TAF5L: variants seen among roughly 807,000 people sequenced by gnomAD.
The protein encoded by TAF5L is TATA-box binding protein associated factor 5 like.
Under a neutral mutation model 51.3 loss-of-function variants are expected in TAF5L, and 7 were observed. The ratio of observed to expected loss-of-function variants is 0.14; its 90% CI spans 0.08 to 0.26. The LOEUF is 0.26. Ranked by LOEUF, TAF5L falls within the 10% of genes least tolerant of loss-of-function variation. The pLI, the probability that TAF5L is intolerant of heterozygous loss-of-function variation, is 1.00. For missense variants in TAF5L, 575 were observed against 758.9 expected, an observed-to-expected ratio of 0.76 and a Z score of 2.85; for synonymous variants, 291 against 308.1, an observed-to-expected ratio of 0.94 and a Z score of 0.58.
In TAF5L at chr1:229,602,545, G is replaced by C. The variant is rs757425101; in HGVS notation, c.622C>G (p.Gln208Glu). 3.7e-6 allele frequency: 6 copies of C among 1,614,212 alleles called. No homozygotes were observed. The East Asian group carries it at 1.1e-4, about 30-fold the overall frequency. Reference sequence around the variant, plus strand: ...GAGGAGCTGCCACTGGCATACAGCTGATAGTCTGTTCTCTTGGCAGGCTGC... The same window carrying C: ...GAGGAGCTGCCACTGGCATACAGCTCATAGTCTGTTCTCTTGGCAGGCTGC... Residue 208 changes from glutamine to glutamate, a missense_variant, in exon 4 of 5, where the codon CAG becomes GAG. Transcript: ENST00000258281. This position sits in a 1 kb window ranked among gnomAD's most constrained non-coding sequence, Gnocchi z 4.6.
rs1391324202 is a variant in TAF5L at position 229,600,572 on chromosome 1, C to T, written c.972+1623G>A. 4.1e-6 allele frequency: 4 copies of T among 985,390 alleles called. No homozygotes were observed. In the Admixed American group the frequency reaches 1.8e-4, roughly 45 times the overall value. 61.0% of individuals were successfully genotyped at this position (985,390 alleles called of 1,614,324 possible). A position where few individuals can be genotyped will look rare whatever the true frequency, so the allele number is the denominator to read the frequency against. On this transcript the variant is annotated intron_variant, in intron 4 of 4. Coordinates refer to ENST00000258281, the Ensembl canonical transcript of TAF5L. ...CCATCCATGTCTCCTTTGCCACTGC[C>T]ACTACCCTAGTTTGGCCGCCATAAT...
At chr1:229,607,760 T>C (rs1664647748) in intron 3 of TAF5L, 1 of 152,284 alleles carries the variant, frequency 6.6e-6, no homozygotes, top group African/African-American at 2.4e-5. Flanking sequence ...AATAGATTAA[T>C]GAGTATATCT....
chr1:229,614,557 C>T (rs201055963), intron 1 of TAF5L, 72 bp from the exon 2 acceptor site: 58 of 1,575,962 alleles, frequency 3.7e-5, no homozygotes, highest in African/African-American at 3.2e-4. Flanking sequence ...ACTGCACCAT[C>T]GCAGATGGGT....
At chr1:229,606,728 T>A (rs1450088849) in intron 3 of TAF5L, 124 of 985,304 alleles carry the variant, frequency 1.3e-4, no homozygotes, top group Non-Finnish European at 1.5e-4. Flanking sequence ...GTACTTTGCA[T>A]CCATGATCAT....
In TAF5L at chr1:229,594,260, C is replaced by A; in HGVS notation, c.*37G>T. ...TGAAGGATTGCAACTGGAGGCTTTC[C>A]ACTGTTACCCCAGTCCGTTCCAACA... On this transcript the variant is annotated 3_prime_UTR_variant, in exon 5 of 5. Transcript: ENST00000258281. This position sits in a 1 kb window ranked among gnomAD's most constrained non-coding sequence, Gnocchi z 7.9. The A allele has an allele frequency of 6.4e-7, 1 of 1,564,426 alleles. No individual in the cohort carries two copies. The highest frequency in any genetic ancestry group is 8.7e-7 in the Non-Finnish European group (1 of 1,152,422).
chr1:229,623,004 C>T (rs942529237), intron 1 of TAF5L, among the ~76,000 whole-genome samples: 1 of 152,168 alleles, frequency 6.6e-6, no homozygotes, highest in Non-Finnish European at 1.5e-5. Context: ...CCGCCGGGCA[C>T]GGTGGCTCGG....
At chr1:229,600,119 AG>A (rs1664316382) in intron 4 of TAF5L, 1 of 984,628 alleles carries the variant, frequency 1.0e-6, no homozygotes, top group Non-Finnish European at 1.2e-6. Flanking sequence ...TAAGGGAAAA[AG>A]AAAAGTCCAA....
rs1665426886 is a variant in TAF5L, at chr1:229,625,692, G to A, written c.-4+193C>T. 2.0e-5 allele frequency among the ~76,000 whole-genome samples: 3 copies of A among 148,062 alleles called. No homozygotes were observed. Among genetic ancestry groups the A allele is most frequent in the Admixed American group, 2.0e-4 (3 of 14,932 alleles). ...CGGGACTCGGGAGGCCGAGGGCGGA[G>A]GCGCGGCCGTCGCGCCCGCGCAGAG... On this transcript the variant is annotated intron_variant, in intron 1 of 4. Transcript: ENST00000258281. The surrounding 1 kb of genome is among the most constrained non-coding windows in gnomAD (Gnocchi z 4.0).
chr1:229,606,170 CTCTT>C, intron 3 of TAF5L: 5 of 985,400 alleles, frequency 5.1e-6, no homozygotes, highest in Non-Finnish European at 6.0e-6. Flanking sequence ...TAATTGCTCT[CTCTT>C]GTCTGAAGAG....
rs1425255337 is a variant in TAF5L at position 229,602,023 on chromosome 1, A to C, written c.972+172T>G. 6.9e-7 allele frequency: 1 copy of C among 1,444,376 alleles called. No homozygotes were observed. The highest frequency in any genetic ancestry group is 1.4e-5 in the African/African-American group (1 of 70,036). The allele number at this position is 1,444,376 out of a possible 1,614,324, so 89.5% of individuals were successfully genotyped here. On this transcript the variant is annotated intron_variant, in intron 4 of 4. Coordinates refer to ENST00000258281, the Ensembl canonical transcript of TAF5L. This position sits in a 1 kb window ranked among gnomAD's most constrained non-coding sequence, Gnocchi z 4.6. ...CTGCTAAAAATTGTTTTTGCATCTTAGGTTAGGCATGTGCAGGAATTCAAT... is the reference window on the plus strand; with the variant it reads ...CTGCTAAAAATTGTTTTTGCATCTTCGGTTAGGCATGTGCAGGAATTCAAT...
In TAF5L at chr1:229,602,022, T is replaced by C. The variant is rs1664394659; in HGVS notation, c.972+173A>G. 13 of 1,442,722 alleles carry C rather than the reference T, an allele frequency of 9.0e-6. No individual in the cohort carries two copies. The South Asian group carries it at 1.4e-4, about 15-fold the overall frequency. The allele number at this position is 1,442,722 out of a possible 1,614,324, so 89.4% of individuals were successfully genotyped here. On this transcript the variant is annotated intron_variant, in intron 4 of 4. Coordinates refer to ENST00000258281, the Ensembl canonical transcript of TAF5L. This position sits in a 1 kb window ranked among gnomAD's most constrained non-coding sequence, Gnocchi z 4.6. ...GCTGCTAAAAATTGTTTTTGCATCTTAGGTTAGGCATGTGCAGGAATTCAA... is the reference window on the plus strand; with the variant it reads ...GCTGCTAAAAATTGTTTTTGCATCTCAGGTTAGGCATGTGCAGGAATTCAA...
intron 3 of TAF5L, chr1:229,606,925 T>C (rs1366442824): frequency 3.0e-6 from 3 of 985,296 alleles, no homozygotes; most frequent in Admixed American, 6.1e-5. Context: ...GATACTCTTA[T>C]ATCTTTCCCT....
chr1:229,600,489 T>A (rs1280670849), intron 4 of TAF5L: 1 of 985,322 alleles, frequency 1.0e-6, no homozygotes. Context: ...AACGTCACCC[T>A]TGATGCTTGC....
intron 3 of TAF5L, among the ~76,000 whole-genome samples, chr1:229,605,128 A>ATATATATATATATATATTTTT (rs1340196774): frequency 2.1e-5 from 3 of 145,098 alleles, no homozygotes; most frequent in African/African-American, 7.8e-5. Context: ...ATATATATGT[A>ATATATATATATATATATTTTT]TTTTTTTTTT....
chr1:229,601,614 T>C (rs766566431), intron 4 of TAF5L: 160 of 985,984 alleles, frequency 1.6e-4, no homozygotes, highest in Non-Finnish European at 1.7e-4. Flanking sequence ...CTTCCTGTGT[T>C]ACTTCTCCAA....
intron 3 of TAF5L, among the ~76,000 whole-genome samples, chr1:229,604,874 T>C (rs1571838885): frequency 1.3e-5 from 2 of 152,308 alleles, no homozygotes; most frequent in East Asian, 3.9e-4. Flanking sequence ...TATATATAGA[T>C]ATATAAAAAG....
Position 229,602,659 on chromosome 1 carries a change from C to T in TAF5L, c.508G>A (p.Asp170Asn). The stretch of plus-strand genomic sequence containing the variant: ...TAGCGGATAAGGTAGTTGTAGCTGT[C>T]TTCTTGGAGACGGACCACGTACTTG... Residue 170 changes from aspartate (D) to asparagine (N), a missense_variant, in exon 4 of 5, where the codon GAC becomes AAC. Transcript: ENST00000258281. The surrounding 1 kb of genome is among the most constrained non-coding windows in gnomAD (Gnocchi z 4.6). The T allele has an allele frequency of 6.2e-7, 1 of 1,614,162 alleles. No individual in the cohort carries two copies. The highest frequency in any genetic ancestry group is 8.5e-7 in the Non-Finnish European group (1 of 1,180,038).
chr1:229,613,498 GA>G (rs1359875256), intron 2 of TAF5L, among the ~76,000 whole-genome samples: 1 of 152,052 alleles, frequency 6.6e-6, no homozygotes, highest in Non-Finnish European at 1.5e-5. Flanking sequence ...AATATTTGGG[GA>G]AAAAAACCAC....
intron 4 of TAF5L, among the ~76,000 whole-genome samples, chr1:229,597,753 C>T (rs74455361): frequency 0.025 from 3,795 of 152,256 alleles, 154 homozygotes; most frequent in African/African-American, 0.084. Flanking sequence ...ATGAAACACA[C>T]ATGAAATAGA....
Sources: allele counts gnomAD v4.1 joint callset (sites outside exome capture counted in the v4.1 genomes callset), GRCh38; gene constraint gnomAD v4.1.1; non-coding constraint Gnocchi (gnomAD v3.1); transcripts MANE v1.5; gene names NCBI Gene and HGNC (gene_info 2026-07-23, HGNC 2026-07-21).